Variants in SORCS2 observed in about 807,000 individuals in gnomAD.
SORCS2 encodes the protein sortilin related VPS10 domain containing receptor 2.
In SORCS2, 100 loss-of-function variants were observed where a neutral mutation model predicts 141.6. That is an observed-to-expected ratio of 0.71 (90% CI 0.60 to 0.83). The LOEUF is 0.83. Ranked by LOEUF, SORCS2 falls within the 40% of genes least tolerant of loss-of-function variation. The pLI, the probability that SORCS2 is intolerant of heterozygous loss-of-function variation, is 0.00. For synonymous variants in SORCS2, 789 were observed against 676.9 expected (o/e 1.17, Z -2.57); for missense variants, 1,646 against 1,560.2 (o/e 1.05, Z -0.93).
intron 3 of SORCS2, among the ~76,000 whole-genome samples, chr4:7,549,414 G>C (rs1713516588): frequency 6.6e-6 from 1 of 151,616 alleles, no homozygotes; most frequent in African/African-American, 2.4e-5. Flanking sequence ...TGATGTGGTG[G>C]GGCATTGGGT....
rs572827681 is a variant in SORCS2 at position 7,241,646 on chromosome 4, A to T, written c.480+48520A>T. Among the ~76,000 whole-genome samples, 8 of 152,322 alleles carry T rather than the reference A, an allele frequency of 5.3e-5. No homozygotes were observed. In the South Asian group the frequency reaches 1.2e-3, roughly 24 times the overall value. ...TGCAGTGAGAAACAAAAGAATCCAC[A>T]GGAGACGCACTGAGAACTCTGACAG... On this transcript the variant is annotated intron_variant, in intron 1 of 26. Coordinates refer to ENST00000507866, the MANE Select transcript of SORCS2 (RefSeq NM_020777.3).
At chr4:7,651,041 A>C (rs1225432009) in intron 4 of SORCS2, among the ~76,000 whole-genome samples, 1 of 151,844 alleles carries the variant, frequency 6.6e-6, no homozygotes, top group Non-Finnish European at 1.5e-5. Context: ...ATCAAAGATG[A>C]ACTGGGGACA....
At chr4:7,254,128 T>A (rs7661994) in intron 1 of SORCS2, among the ~76,000 whole-genome samples, 129,326 of 152,184 alleles carry the variant, frequency 0.85, 55,085 homozygotes, top group South Asian at 0.89. Context: ...TTTCTCAAAG[T>A]GCTAAAAATA....
At chr4:7,639,407 T>C (rs373305062) in intron 4 of SORCS2, among the ~76,000 whole-genome samples, 1 of 125,416 alleles carries the variant, frequency 8.0e-6, no homozygotes, top group South Asian at 2.7e-4. Context: ...TGCTGCCTAC[T>C]GCATAAGTGT....
chr4:7,528,724 T>C (rs7669478), intron 2 of SORCS2, among the ~76,000 whole-genome samples: 53,440 of 152,064 alleles, frequency 0.35, 9,994 homozygotes, highest in Middle Eastern at 0.42. Flanking sequence ...CTGGACTGTG[T>C]TTTAAATGGA....
chr4:7,204,692 T>C (rs1422806352), intron 1 of SORCS2, among the ~76,000 whole-genome samples: 2 of 152,178 alleles, frequency 1.3e-5, no homozygotes, highest in Non-Finnish European at 2.9e-5. Flanking sequence ...AGGGACACGG[T>C]GGCAAGGCTG....
chr4:7,676,837 C>CTCTCTCTCTCTCTCTCT (rs1723174458), intron 9 of SORCS2, among the ~76,000 whole-genome samples: 1 of 134,130 alleles, frequency 7.5e-6, no homozygotes, highest in African/African-American at 2.7e-5. Context: ...CTCCCTCTCT[C>CTCTCTCTCTCTCTCTCT]CACCCCAGCC....
intron 1 of SORCS2, among the ~76,000 whole-genome samples, chr4:7,203,345 A>G (rs1195662913): frequency 6.6e-6 from 1 of 152,230 alleles, no homozygotes; most frequent in African/African-American, 2.4e-5. Flanking sequence ...AATCGCTTGA[A>G]TCAGGGAGAC....
chr4:7,371,296 G>A (rs897699016), intron 1 of SORCS2, among the ~76,000 whole-genome samples: 8 of 152,168 alleles, frequency 5.3e-5, no homozygotes, highest in African/African-American at 9.7e-5. Context: ...GTGGTGGATC[G>A]GCCTCTGCTT....
rs1308493839 is a variant in SORCS2, at chr4:7,358,425, G to GT, written c.481-37861dup. On this transcript the variant is annotated intron_variant, in intron 1 of 26. Transcript: ENST00000507866. ...ACACTCCTGAGAGGCTGGCATTCTT[G>GT]TTATGATGATGATAATTATTCCATT... 3.3e-5 allele frequency among the ~76,000 whole-genome samples: 5 copies of GT among 152,352 alleles called. No individual in the cohort carries two copies. The East Asian group carries it at 9.6e-4, about 29-fold the overall frequency.
chr4:7,306,699 G>A (rs1474642676), intron 1 of SORCS2, among the ~76,000 whole-genome samples: 2 of 152,174 alleles, frequency 1.3e-5, no homozygotes, highest in East Asian at 1.9e-4. Flanking sequence ...TCCAGTTGCT[G>A]TCCAGAGGCT....
chr4:7,193,137 TC>T lies in SORCS2; in HGVS notation c.480+13del. 1 of 1,510,902 alleles carries T rather than the reference TC, an allele frequency of 6.6e-7. No individual in the cohort carries two copies. The highest frequency in any genetic ancestry group is 8.8e-7 in the Non-Finnish European group (1 of 1,139,764). The allele number at this position is 1,510,902 out of a possible 1,614,324, so 93.6% of individuals were successfully genotyped here. On this transcript the variant is annotated intron_variant, in intron 1 of 26. Coordinates refer to ENST00000507866, the MANE Select transcript of SORCS2 (RefSeq NM_020777.3). This position sits in a 1 kb window ranked among gnomAD's most constrained non-coding sequence, Gnocchi z 4.8. ...GGCGAGAACAGCAGCGTAAGTGACC[TC>T]CACGCGCTCGCCGCGGCCCCTACCC...
At chr4:7,683,969 G>A (rs1723722324) in intron 10 of SORCS2, among the ~76,000 whole-genome samples, 4 of 152,212 alleles carry the variant, frequency 2.6e-5, no homozygotes, top group Admixed American at 2.6e-4. Context: ...GCTAAGGTGA[G>A]CACTCAGCTG....
chr4:7,284,442 G>A lies in SORCS2; in HGVS notation c.480+91316G>A, dbSNP rs536027760. ...GCCTTCAGTACAGTGCCTGCACATA[G>A]TAGGTGCTCAAGAAATGGCAGCCAT... On this transcript the variant is annotated intron_variant, in intron 1 of 26. Coordinates refer to ENST00000507866, the MANE Select transcript of SORCS2 (RefSeq NM_020777.3). 2.8e-4 allele frequency among the ~76,000 whole-genome samples: 43 copies of A among 152,336 alleles called. 2 individuals carry two copies. In the South Asian group the frequency reaches 8.9e-3, roughly 32 times the overall value.
At chr4:7,509,441 T>C (rs1428874620) in intron 2 of SORCS2, among the ~76,000 whole-genome samples, 1 of 152,086 alleles carries the variant, frequency 6.6e-6, no homozygotes, top group African/African-American at 2.4e-5. Context: ...GAGCACAGAA[T>C]GGGCTGGGGG....
intron 3 of SORCS2, among the ~76,000 whole-genome samples, chr4:7,561,088 C>A (rs1714505686): frequency 6.6e-6 from 1 of 152,174 alleles, no homozygotes; most frequent in African/African-American, 2.4e-5. Context: ...CTCTCCATAG[C>A]TTTAGGAGAT....
chr4:7,393,350 A>G (rs541549389), intron 1 of SORCS2, among the ~76,000 whole-genome samples: 48 of 152,250 alleles, frequency 3.2e-4, no homozygotes, highest in African/African-American at 1.0e-3. Flanking sequence ...CACGTCAGCC[A>G]CTGAAAAAAA....
chr4:7,608,097 T>A (rs142381750), intron 3 of SORCS2, among the ~76,000 whole-genome samples: 62 of 152,182 alleles, frequency 4.1e-4, no homozygotes, highest in African/African-American at 1.4e-3. Flanking sequence ...ACTTAGTCCC[T>A]CTGGGCACCC....
intron 23 of SORCS2, among the ~76,000 whole-genome samples, chr4:7,731,927 C>A (rs1021308885): frequency 6.6e-6 from 1 of 152,180 alleles, no homozygotes; most frequent in Admixed American, 6.5e-5. Context: ...AAAGTACATG[C>A]AACAAACGCA....
Sources: gnomAD v4.1 joint callset for allele counts (sites outside exome capture counted in the v4.1 genomes callset) on GRCh38, gnomAD v4.1.1 for gene constraint, Gnocchi (gnomAD v3.1) non-coding constraint, MANE v1.5 for transcripts, NCBI Gene and HGNC (gene_info 2026-07-23, HGNC 2026-07-21) for gene names.